CELF2: variants seen among roughly 807,000 people sequenced by gnomAD.
The protein encoded by CELF2 is CUG triplet repeat RNA-binding protein 2.
A neutral mutation model predicts 62.6 loss-of-function variants in CELF2; 8 were observed. The ratio of observed to expected loss-of-function variants is 0.13; its 90% CI spans 0.07 to 0.23. The LOEUF is 0.23. CELF2 is among the 10% of genes least tolerant of loss of function. The pLI is 1.00. For synonymous variants in CELF2, 258 were observed against 250.0 expected (o/e 1.03, Z -0.30); for missense variants, 333 against 671.0 (o/e 0.50, Z 5.56).
rs953424796 is a variant in CELF2 at position 10,934,234 on chromosome 10, C to T, written c.89+14235C>T. 6.6e-5 allele frequency among the ~76,000 whole-genome samples: 10 copies of T among 152,162 alleles called. No homozygotes were observed. Among genetic ancestry groups the T allele is most frequent in the East Asian group, 1.9e-4 (1 of 5,190 alleles). On this transcript the variant is annotated intron_variant, in intron 2 of 13. Transcript: ENST00000636488. The surrounding 1 kb of genome is among the most constrained non-coding windows in gnomAD (Gnocchi z 4.4). ...GGTTAAAAATAGAATTCAAAGAGCA[C>T]GTTAGCAAGGTTAATCTGATGGTAA...
intron 2 of CELF2, among the ~76,000 whole-genome samples, chr10:11,186,296 C>CTTTTTT (rs57327671): frequency 3.0e-4 from 35 of 115,466 alleles, no homozygotes; most frequent in East Asian, 5.2e-4. Flanking sequence ...GGTTTTGTTG[C>CTTTTTT]TTTTTTTTTT....
chr10:10,810,522 GT>G (rs1215865874), intron 1 of CELF2, among the ~76,000 whole-genome samples: 2 of 152,268 alleles, frequency 1.3e-5, no homozygotes, highest in East Asian at 3.9e-4. Context: ...TCAGGTTCCA[GT>G]AACTGTCAGT....
intron 2 of CELF2, chr10:10,922,996 G>A (rs998471979): frequency 4.6e-5 from 7 of 152,140 alleles, no homozygotes; most frequent in Non-Finnish European, 1.5e-5. Flanking sequence ...GCTAGTGTTT[G>A]TTTGTTTGTA....
chr10:10,814,403 C>G lies in CELF2; in HGVS notation c.53+15586C>G, dbSNP rs148345395. On this transcript the variant is annotated intron_variant, in intron 1 of 13. Coordinates refer to the CELF2 transcript ENST00000636488. ...TCATCGCCACAAAATCTAACCTCTTCTTTTGGATGTGGCCTCCCACATTTT... is the reference window on the plus strand; with the variant it reads ...TCATCGCCACAAAATCTAACCTCTTGTTTTGGATGTGGCCTCCCACATTTT... Among the ~76,000 whole-genome samples, 707 of 152,186 alleles carry G rather than the reference C, an allele frequency of 4.6e-3. 1 individual carries two copies. The highest frequency in any genetic ancestry group is 0.016 in the African/African-American group (661 of 41,522).
chr10:10,750,021 C>T, the CELF2 span, among the ~76,000 whole-genome samples: 47 of 152,326 alleles, frequency 3.1e-4, no homozygotes, highest in South Asian at 1.4e-3. Flanking sequence ...AGGCGGCTCA[C>T]ACCTGTAATC....
chr10:10,764,722 C>CT, the CELF2 span, among the ~76,000 whole-genome samples: 731 of 152,320 alleles, frequency 4.8e-3, 4 homozygotes, highest in African/African-American at 1.0e-2. Flanking sequence ...CAATACTTTA[C>CT]TTGGCAATTG....
At chr10:10,901,698 A>G (rs966563842) in intron 1 of CELF2, among the ~76,000 whole-genome samples, 2 of 152,214 alleles carry the variant, frequency 1.3e-5, no homozygotes, top group Non-Finnish European at 2.9e-5. Flanking sequence ...TTTGAGAGAC[A>G]TCAATAAGAG....
chr10:10,823,689 T>C (rs896169167), intron 1 of CELF2, among the ~76,000 whole-genome samples: 2 of 152,224 alleles, frequency 1.3e-5, no homozygotes, highest in African/African-American at 4.8e-5. Context: ...ATCGTATTAA[T>C]AAATTTTTAT....
the CELF2 span, among the ~76,000 whole-genome samples, chr10:10,501,286 A>G: frequency 4.6e-5 from 7 of 152,098 alleles, no homozygotes; most frequent in African/African-American, 1.7e-4. Context: ...ACTGCGTTTT[A>G]CTTTAACTTT....
At chr10:10,562,486 G>A in the CELF2 span, among the ~76,000 whole-genome samples, 1 of 152,182 alleles carries the variant, frequency 6.6e-6, no homozygotes, top group Admixed American at 6.5e-5. Context: ...TAAATAGGGT[G>A]AGAGTGAAGC....
At chr10:11,108,371 C>A (rs1210605519) in intron 1 of CELF2, among the ~76,000 whole-genome samples, 2 of 151,086 alleles carry the variant, frequency 1.3e-5, no homozygotes, top group African/African-American at 2.4e-5. Flanking sequence ...TTTTTTCAGC[C>A]TGTACTGTCT....
the CELF2 span, among the ~76,000 whole-genome samples, chr10:10,740,296 G>T: frequency 6.7e-6 from 1 of 150,336 alleles, no homozygotes; most frequent in Non-Finnish European, 1.5e-5. Flanking sequence ...AATGATTTTT[G>T]CATAAGGTAT....
chr10:10,679,202 A>G, the CELF2 span, among the ~76,000 whole-genome samples: 1 of 152,230 alleles, frequency 6.6e-6, no homozygotes, highest in East Asian at 1.9e-4. Context: ...TCCAATTTGA[A>G]TTCATTTTAG....
At chr10:10,719,365 C>T in the CELF2 span, among the ~76,000 whole-genome samples, 1 of 151,998 alleles carries the variant, frequency 6.6e-6, no homozygotes, top group African/African-American at 2.4e-5. Flanking sequence ...CTGAAGTGAT[C>T]CTCTCACCTT....
At chr10:11,058,548 C>A (rs2065923763) in intron 1 of CELF2, among the ~76,000 whole-genome samples, 1 of 146,964 alleles carries the variant, frequency 6.8e-6, no homozygotes, top group Admixed American at 6.9e-5. Flanking sequence ...CTCGCTGCAA[C>A]CTCCACCTCC....
intron 3 of CELF2, among the ~76,000 whole-genome samples, chr10:11,248,790 T>G (rs1049008850): frequency 6.6e-6 from 1 of 152,202 alleles, no homozygotes; most frequent in African/African-American, 2.4e-5. Context: ...AGACCAAAGC[T>G]CAGAGAAGTT....
At chr10:11,086,688 C>A (rs575056293) in intron 1 of CELF2, among the ~76,000 whole-genome samples, 3 of 149,680 alleles carry the variant, frequency 2.0e-5, no homozygotes, top group African/African-American at 7.4e-5. Flanking sequence ...CAGCAAGTGC[C>A]ACAGGGCTCA....
the CELF2 span, among the ~76,000 whole-genome samples, chr10:10,730,106 A>C: frequency 3.9e-3 from 594 of 152,308 alleles, 5 homozygotes; most frequent in African/African-American, 0.014. Flanking sequence ...AAAATTTACT[A>C]GGGGACTTTT....
At chr10:10,633,258 C>T in the CELF2 span, among the ~76,000 whole-genome samples, 1 of 152,102 alleles carries the variant, frequency 6.6e-6, no homozygotes, top group Non-Finnish European at 1.5e-5. Flanking sequence ...ATGGACATTG[C>T]CAGATTGTCC....
Sources: gnomAD v4.1 joint callset for allele counts (sites outside exome capture counted in the v4.1 genomes callset) on GRCh38, gnomAD v4.1.1 for gene constraint, Gnocchi (gnomAD v3.1) non-coding constraint, MANE v1.5 for transcripts, NCBI Gene and HGNC (gene_info 2026-07-23, HGNC 2026-07-21) for gene names.